COLEC11: variants seen among roughly 807,000 people sequenced by gnomAD.
COLEC11 encodes collectin subfamily member 11.
COLEC11 carries 20 observed loss-of-function variants against 27.3 expected under a neutral mutation model. The ratio of observed to expected loss-of-function variants is 0.73; its 90% CI spans 0.51 to 1.06. The LOEUF (loss-of-function observed/expected upper bound fraction) is 1.06, where lower values mean the gene tolerates loss of function less well. COLEC11 is among the 50% of genes least tolerant of loss of function. The pLI is 0.00. For missense variants in COLEC11, 310 were observed against 383.0 expected (o/e 0.81, Z 1.59); for synonymous variants, 163 against 154.7 (o/e 1.05, Z -0.40).
chr2:3,619,115 C>G (rs1166992749), intron 3 of COLEC11, among the ~76,000 whole-genome samples: 1 of 152,096 alleles, frequency 6.6e-6, no homozygotes, highest in African/African-American at 2.4e-5. Context: ...CAAACAGAGC[C>G]AGCTTTACCT....
chr2:3,614,689 TA>T (rs1428165665), intron 3 of COLEC11, among the ~76,000 whole-genome samples: 1 of 152,170 alleles, frequency 6.6e-6, no homozygotes, highest in African/African-American at 2.4e-5. Flanking sequence ...GTAAAACTCC[TA>T]AAGTTGCACA....
At chr2:3,624,016 C>T (rs1454630184) in intron 3 of COLEC11, among the ~76,000 whole-genome samples, 1 of 152,146 alleles carries the variant, frequency 6.6e-6, no homozygotes, top group East Asian at 1.9e-4. Flanking sequence ...TCTCTCAGAC[C>T]ATTTCTGTGG....
At chr2:3,613,564 A>C (rs1484239424) in intron 3 of COLEC11, among the ~76,000 whole-genome samples, 182 bp downstream of exon 3, 1 of 152,094 alleles carries the variant, frequency 6.6e-6, no homozygotes, top group Non-Finnish European at 1.5e-5. Flanking sequence ...GTCCTTCAGC[A>C]CTGCTCCTTG....
chr2:3,642,926 C>T (rs969267126), intron 5 of COLEC11, among the ~76,000 whole-genome samples: 2 of 152,232 alleles, frequency 1.3e-5, no homozygotes, highest in African/African-American at 4.8e-5. Flanking sequence ...CCACTCCCCA[C>T]CTGACATGTC....
intron 1 of COLEC11, chr2:3,601,989 G>GA (rs1008284512): frequency 6.6e-6 from 1 of 152,260 alleles, no homozygotes; most frequent in Non-Finnish European, 1.5e-5. Flanking sequence ...ATTTCTGGGA[G>GA]AACTCCTCGT....
intron 2 of COLEC11, among the ~76,000 whole-genome samples, chr2:3,609,374 T>A (rs913839408): frequency 7.1e-6 from 1 of 141,554 alleles, no homozygotes; most frequent in Admixed American, 7.0e-5. Context: ...TTTTTTTTTT[T>A]TTTTTTTTTT....
intron 2 of COLEC11, among the ~76,000 whole-genome samples, chr2:3,610,939 C>A (rs1663141925): frequency 6.6e-6 from 1 of 152,152 alleles, no homozygotes. Flanking sequence ...TCCTGGGTAG[C>A]TGACAGCATT....
intron 2 of COLEC11, among the ~76,000 whole-genome samples, chr2:3,609,343 T>TTTTCC (rs1558492366): frequency 6.1e-5 from 1 of 16,390 alleles, no homozygotes; most frequent in Non-Finnish European, 1.7e-4. Flanking sequence ...TATGAACTAT[T>TTTTCC]TTTCTTTGAT....
At chr2:3,597,089 CT>C (rs1418001099) in intron 1 of COLEC11, among the ~76,000 whole-genome samples, 45 of 152,354 alleles carry the variant, frequency 3.0e-4, no homozygotes, top group African/African-American at 9.6e-4. Context: ...AAATCCCAGC[CT>C]GGGCTGTTCC....
chr2:3,625,709 T>C (rs1212385512), intron 3 of COLEC11, among the ~76,000 whole-genome samples: 1 of 143,612 alleles, frequency 7.0e-6, no homozygotes, highest in African/African-American at 2.5e-5. Context: ...CTTGGCTCAC[T>C]ACAACCTCTG....
intron 2 of COLEC11, among the ~76,000 whole-genome samples, chr2:3,612,826 C>T (rs76092327): frequency 0.011 from 1,705 of 152,248 alleles, 18 homozygotes; most frequent in South Asian, 0.029. Flanking sequence ...CCTGGCTGAG[C>T]AGGAGCCTGT....
At chr2:3,643,583 G>T in intron 6 of COLEC11, 44 bp downstream of exon 6, 1 of 1,601,276 alleles carries the variant, frequency 6.2e-7, no homozygotes, top group Non-Finnish European at 8.6e-7. Flanking sequence ...CCACCTCCCA[G>T]CCCTGTCCTG....
At chr2:3,616,207 C>T (rs1299912486) in intron 3 of COLEC11, among the ~76,000 whole-genome samples, 3 of 150,458 alleles carry the variant, frequency 2.0e-5, no homozygotes, top group Admixed American at 6.6e-5. Context: ...GATGGGCGGC[C>T]GGGCAGAGAC....
chr2:3,641,172 C>A (rs920969446), intron 5 of COLEC11: 2 of 1,275,862 alleles, frequency 1.6e-6, no homozygotes, highest in African/African-American at 3.1e-5. Flanking sequence ...CGAGAAGGAT[C>A]TGACTCTTGG....
intron 2 of COLEC11, among the ~76,000 whole-genome samples, chr2:3,610,228 A>T (rs573022879): frequency 2.6e-5 from 4 of 152,236 alleles, no homozygotes; most frequent in African/African-American, 9.6e-5. Context: ...TAGAGTGGAC[A>T]TAGTGCCCGC....
Position 3,641,295 on chromosome 2 carries a change from G to A in COLEC11, c.328+964G>A, listed in dbSNP as rs936254791. 6.9e-6 allele frequency: 9 copies of A among 1,303,854 alleles called. No homozygotes were observed. The African/African-American group carries it at 7.6e-5, about 11-fold the overall frequency. 80.8% of individuals were successfully genotyped at this position (1,303,854 alleles called of 1,614,324 possible). ...CGGCTGCTTGGAAGGTGTGCTTGCC[G>A]GTGTGACTTGGCTGAGTGTGAGTGC... On this transcript the variant is annotated intron_variant, in intron 5 of 6. Coordinates refer to ENST00000349077, the MANE Select transcript of COLEC11 (RefSeq NM_024027.5).
At chr2:3,612,058 C>A (rs1326763372) in intron 2 of COLEC11, among the ~76,000 whole-genome samples, 1 of 146,002 alleles carries the variant, frequency 6.8e-6, no homozygotes, top group African/African-American at 2.8e-5. Flanking sequence ...TGCCTCGGCA[C>A]CTGGATGGCT....
At chr2:3,616,308 G>T (rs1365310672) in intron 3 of COLEC11, among the ~76,000 whole-genome samples, 3 of 146,738 alleles carry the variant, frequency 2.0e-5, no homozygotes, top group African/African-American at 8.0e-5. Context: ...CCTCACATCC[G>T]AGACTATGGG....
chr2:3,629,589 T>A (rs1293788856), intron 3 of COLEC11, among the ~76,000 whole-genome samples: 2 of 152,220 alleles, frequency 1.3e-5, no homozygotes, highest in Non-Finnish European at 2.9e-5. Context: ...CATATGTATA[T>A]GTACCTGTGT....
Sources: gnomAD v4.1 joint callset for allele counts (sites outside exome capture counted in the v4.1 genomes callset) on GRCh38, gnomAD v4.1.1 for gene constraint, MANE v1.5 for transcripts, NCBI Gene and HGNC (gene_info 2026-07-23, HGNC 2026-07-21) for gene names.